Variants in FARS2 observed in about 807,000 individuals in gnomAD.
FARS2 encodes the protein phenylalanyl-tRNA synthetase 2, mitochondrial.
FARS2 carries 40 observed loss-of-function variants against 46.4 expected under a neutral mutation model. That is an observed-to-expected ratio of 0.86 (90% confidence interval 0.67 to 1.12). FARS2 has a LOEUF of 1.12. FARS2 is among the 50% of genes most tolerant of loss of function. The pLI, the probability that FARS2 is intolerant of heterozygous loss-of-function variation, is 0.00. For synonymous variants in FARS2, 234 were observed against 214.9 expected (o/e 1.09, Z -0.78); for missense variants, 513 against 567.9 (o/e 0.90, Z 0.98).
chr6:5,648,154 A>T (rs536772196), intron 6 of FARS2, among the ~76,000 whole-genome samples: 24 of 152,226 alleles, frequency 1.6e-4, no homozygotes, highest in Non-Finnish European at 2.6e-4. Context: ...ATAATTCCGG[A>T]GAATTTCCCT....
At chr6:5,661,886 G>A (rs530556127) in intron 6 of FARS2, among the ~76,000 whole-genome samples, 32 of 152,248 alleles carry the variant, frequency 2.1e-4, no homozygotes, top group African/African-American at 7.0e-4. Context: ...GAAGGATCCA[G>A]TAGAGTAGGA....
At chr6:5,684,177 G>A (rs926258593) in intron 6 of FARS2, among the ~76,000 whole-genome samples, 5 of 152,054 alleles carry the variant, frequency 3.3e-5, no homozygotes, top group East Asian at 1.9e-4. Context: ...GGTGAATAAC[G>A]GTGTCATCAT....
At chr6:5,391,344 A>C (rs1043271818) in intron 2 of FARS2, among the ~76,000 whole-genome samples, 1 of 152,202 alleles carries the variant, frequency 6.6e-6, no homozygotes, top group Admixed American at 6.5e-5. Context: ...GGGAAATAAT[A>C]AGGATTGTGA....
intron 6 of FARS2, among the ~76,000 whole-genome samples, chr6:5,659,450 C>T (rs185706519): frequency 9.2e-5 from 14 of 152,274 alleles, no homozygotes; most frequent in Admixed American, 5.2e-4. Flanking sequence ...AGTGACAGTC[C>T]GGTGAGCAGA....
At chr6:5,695,813 C>CA (rs1187598246) in intron 6 of FARS2, among the ~76,000 whole-genome samples, 4 of 152,098 alleles carry the variant, frequency 2.6e-5, no homozygotes, top group Admixed American at 6.5e-5. Flanking sequence ...CAAACCGCAC[C>CA]AAAAAATTGG....
At chr6:5,322,206 GATAAA>G (rs1160244028) in intron 1 of FARS2, among the ~76,000 whole-genome samples, 3 of 152,314 alleles carry the variant, frequency 2.0e-5, no homozygotes, top group African/African-American at 4.8e-5. Flanking sequence ...ATAGGGAAAT[GATAAA>G]ATAAACTGTC....
intron 5 of FARS2, among the ~76,000 whole-genome samples, chr6:5,550,195 G>T (rs1771287579): frequency 6.6e-6 from 1 of 152,154 alleles, no homozygotes; most frequent in African/African-American, 2.4e-5. Context: ...AGGTTTCAAG[G>T]CCTGGGGATA....
At chr6:5,426,006 G>A (rs1330576384) in intron 3 of FARS2, among the ~76,000 whole-genome samples, 1 of 152,058 alleles carries the variant, frequency 6.6e-6, no homozygotes, top group Non-Finnish European at 1.5e-5. Flanking sequence ...GAAGGCTGAG[G>A]CTTGAACCCA....
intron 5 of FARS2, among the ~76,000 whole-genome samples, chr6:5,591,897 GAA>G (rs1773939017): frequency 6.6e-6 from 1 of 152,048 alleles, no homozygotes; most frequent in South Asian, 2.1e-4. Flanking sequence ...ATTTCTTGTG[GAA>G]AAAGAGTATC....
chr6:5,623,740 T>A (rs1775895682), intron 6 of FARS2, among the ~76,000 whole-genome samples: 1 of 151,512 alleles, frequency 6.6e-6, no homozygotes, highest in African/African-American at 2.4e-5. Context: ...AAATAAAGAC[T>A]TTGTAAAGTG....
At position 5,545,269 on chromosome 6, in the gene FARS2, T is replaced by G; in HGVS notation, c.994T>G (p.Phe332Val). 6.2e-7 allele frequency: 1 copy of G among 1,614,124 alleles called. No homozygotes were observed. Among genetic ancestry groups the G allele is most frequent in the Non-Finnish European group, 8.5e-7 (1 of 1,179,966 alleles). The change falls in exon 5 of 7, where the codon TTC becomes GTC. Residue 332 changes from phenylalanine (F) to valine (V), a missense_variant. Phe to Val is a conservative substitution (Grantham distance 50). Coordinates refer to ENST00000274680, the MANE Select transcript of FARS2 (RefSeq NM_006567.5). ...CTACGACATCCCTGATATCCGTCTC[T>G]TCTGGTGTGAGGACGAGCGCTTCCT... ...ILYDIPDIRLFWCEDERFLKQ... is the reference protein window; with the variant it reads ...ILYDIPDIRLVWCEDERFLKQ...
chr6:5,636,943 C>T (rs1205685673), intron 6 of FARS2, among the ~76,000 whole-genome samples: 1 of 152,242 alleles, frequency 6.6e-6, no homozygotes, highest in Non-Finnish European at 1.5e-5. Flanking sequence ...TGCCCCAGGG[C>T]CTCACAGGGA....
chr6:5,378,050 T>C (rs1759494315), intron 2 of FARS2, among the ~76,000 whole-genome samples: 1 of 152,190 alleles, frequency 6.6e-6, no homozygotes, highest in Non-Finnish European at 1.5e-5. Context: ...GAAAAGAGGA[T>C]GAGTGAAGGT....
chr6:5,346,193 C>G (rs1757220146), intron 1 of FARS2, among the ~76,000 whole-genome samples: 1 of 152,302 alleles, frequency 6.6e-6, no homozygotes, highest in Admixed American at 6.5e-5. Flanking sequence ...AGTTCCATTT[C>G]TTTGGGCATA....
chr6:5,634,363 T>C (rs1582635923), intron 6 of FARS2, among the ~76,000 whole-genome samples: 1 of 152,184 alleles, frequency 6.6e-6, no homozygotes, highest in South Asian at 2.1e-4. Flanking sequence ...AGGGCAGTGG[T>C]ATGATCACAG....
In FARS2 at chr6:5,613,226, A is replaced by AATC. The variant is rs759653414; in HGVS notation, c.1125_1126insCAT (p.Asn375_Tyr376insHis). On this transcript the variant is annotated inframe_insertion, in exon 6 of 7. Coordinates refer to ENST00000274680, the MANE Select transcript of FARS2 (RefSeq NM_006567.5). The stretch of plus-strand genomic sequence containing the variant: ...TATTTCATTCTGGTTGCCCTCTGAG[A>AATC]ATTACGCAGAAAATGATTTCTATGA... The AATC allele has an allele frequency of 6.2e-7, 1 of 1,613,330 alleles. No homozygotes were observed. The highest frequency in any genetic ancestry group is 8.5e-7 in the Non-Finnish European group (1 of 1,179,484).
At chr6:5,374,993 A>G (rs1348594444) in intron 2 of FARS2, among the ~76,000 whole-genome samples, 1 of 152,120 alleles carries the variant, frequency 6.6e-6, no homozygotes, top group Non-Finnish European at 1.5e-5. Flanking sequence ...TTAATGGTGC[A>G]TCATTCTAAA....
chr6:5,317,250 A>G (rs776012494), intron 1 of FARS2, among the ~76,000 whole-genome samples: 1 of 152,230 alleles, frequency 6.6e-6, no homozygotes, highest in Non-Finnish European at 1.5e-5. Flanking sequence ...TTCACATAAT[A>G]GGTTCTGTCT....
At chr6:5,535,156 GTCTA>G (rs751357182) in intron 4 of FARS2, among the ~76,000 whole-genome samples, 1 of 152,144 alleles carries the variant, frequency 6.6e-6, no homozygotes, top group African/African-American at 2.4e-5. Flanking sequence ...TTGGCCATTT[GTCTA>G]TCTCCTAAAA....
Sources: allele counts gnomAD v4.1 joint callset (sites outside exome capture counted in the v4.1 genomes callset), GRCh38; gene constraint gnomAD v4.1.1; transcripts MANE v1.5; gene names NCBI Gene and HGNC (gene_info 2026-07-23, HGNC 2026-07-21).